MEOX2: variants seen among roughly 807,000 people sequenced by gnomAD.
MEOX2 encodes homeobox protein MOX-2.
In MEOX2, 11 loss-of-function variants were observed where a neutral mutation model predicts 27.0. The ratio of observed to expected loss-of-function variants is 0.41; its 90% CI spans 0.26 to 0.68. MEOX2 has a LOEUF of 0.68. Ranked by LOEUF, MEOX2 falls within the 30% of genes least tolerant of loss-of-function variation. MEOX2 has a pLI of 0.33. For synonymous variants in MEOX2, 189 were observed against 155.4 expected (o/e 1.22, Z -1.61); for missense variants, 436 against 385.4 (o/e 1.13, Z -1.10).
intron 1 of MEOX2, among the ~76,000 whole-genome samples, chr7:15,658,132 G>C (rs910020367): frequency 2.1e-4 from 32 of 152,370 alleles, no homozygotes; most frequent in South Asian, 6.2e-4. Context: ...TCTGAAAGTA[G>C]AGACTTTCTA....
intron 1 of MEOX2, among the ~76,000 whole-genome samples, chr7:15,655,682 A>AT (rs1781808359): frequency 6.6e-6 from 1 of 151,690 alleles, no homozygotes; most frequent in East Asian, 1.9e-4. Flanking sequence ...CTTGTTATTA[A>AT]TTTCTAGTTT....
chr7:15,674,894 C>T (rs1040006929), intron 1 of MEOX2, among the ~76,000 whole-genome samples: 14 of 152,028 alleles, frequency 9.2e-5, no homozygotes, highest in Non-Finnish European at 1.5e-5. Context: ...TCAGCATCTT[C>T]TGTGCAAAAA....
intron 1 of MEOX2, among the ~76,000 whole-genome samples, chr7:15,665,817 T>A (rs1781994957): frequency 6.6e-6 from 1 of 152,210 alleles, no homozygotes; most frequent in Admixed American, 6.5e-5. Context: ...AGCTGAATAA[T>A]CCTCAAAGGT....
intron 1 of MEOX2, among the ~76,000 whole-genome samples, chr7:15,638,879 C>T (rs985910615): frequency 6.6e-6 from 1 of 152,022 alleles, no homozygotes; most frequent in African/African-American, 2.4e-5. Flanking sequence ...ACGCGATCAA[C>T]TGTTGATGGA....
intron 1 of MEOX2, among the ~76,000 whole-genome samples, chr7:15,649,296 AT>A (rs1362432166): frequency 6.6e-6 from 1 of 152,118 alleles, no homozygotes; most frequent in Non-Finnish European, 1.5e-5. Flanking sequence ...ATGTAACTTC[AT>A]TAAGGAGCTT....
chr7:15,677,141 A>G (rs1782207837), intron 1 of MEOX2, among the ~76,000 whole-genome samples: 1 of 152,218 alleles, frequency 6.6e-6, no homozygotes, highest in South Asian at 2.1e-4. Flanking sequence ...TACTTAGGCA[A>G]GTTACATTTC....
chr7:15,658,487 G>C (rs1170046111), intron 1 of MEOX2, among the ~76,000 whole-genome samples: 1 of 152,168 alleles, frequency 6.6e-6, no homozygotes, highest in Non-Finnish European at 1.5e-5. Flanking sequence ...GTATATATTG[G>C]TGTGTTGGAT....
At chr7:15,652,531 A>C (rs1459797612) in intron 1 of MEOX2, among the ~76,000 whole-genome samples, 1 of 152,096 alleles carries the variant, frequency 6.6e-6, no homozygotes, top group Non-Finnish European at 1.5e-5. Context: ...GCCCATTATA[A>C]ATAGTAAACA....
At chr7:15,633,049 G>T (rs966910473) in intron 1 of MEOX2, among the ~76,000 whole-genome samples, 1 of 151,832 alleles carries the variant, frequency 6.6e-6, no homozygotes, top group Non-Finnish European at 1.5e-5. Context: ...TACCACTTCT[G>T]TCAGCTCCCT....
intron 2 of MEOX2, among the ~76,000 whole-genome samples, chr7:15,625,080 C>T (rs1583745527): frequency 6.6e-6 from 1 of 152,234 alleles, no homozygotes; most frequent in East Asian, 1.9e-4. Flanking sequence ...GCTGAGAGCA[C>T]AGTACTGGAT....
intron 1 of MEOX2, among the ~76,000 whole-genome samples, chr7:15,672,191 C>G (rs771515602): frequency 2.6e-5 from 4 of 152,110 alleles, no homozygotes; most frequent in Non-Finnish European, 4.4e-5. Flanking sequence ...TCGCCATTAT[C>G]CATTACTACA....
chr7:15,625,579 C>T (rs1781290786), intron 2 of MEOX2, among the ~76,000 whole-genome samples: 1 of 152,182 alleles, frequency 6.6e-6, no homozygotes, highest in Non-Finnish European at 1.5e-5. Flanking sequence ...CATTTGTCCA[C>T]ACCCTGTTGA....
intron 2 of MEOX2, among the ~76,000 whole-genome samples, chr7:15,613,193 T>C (rs1350846757): frequency 1.3e-5 from 2 of 152,206 alleles, no homozygotes; most frequent in Non-Finnish European, 2.9e-5. Flanking sequence ...TATTTTACTT[T>C]GCAAATATTT....
intron 1 of MEOX2, among the ~76,000 whole-genome samples, chr7:15,631,703 T>G (rs1017728347): frequency 6.6e-6 from 1 of 151,818 alleles, no homozygotes; most frequent in African/African-American, 2.4e-5. Context: ...AAGAAAACAT[T>G]ACAATTGCTA....
chr7:15,645,982 C>T (rs73288115), intron 1 of MEOX2, among the ~76,000 whole-genome samples: 3,115 of 152,074 alleles, frequency 0.02, 109 homozygotes, highest in African/African-American at 0.07. Flanking sequence ...AAGTAGATGC[C>T]TAATACTCAA....
intron 1 of MEOX2, among the ~76,000 whole-genome samples, chr7:15,643,450 G>C (rs986219644): frequency 6.6e-6 from 1 of 152,096 alleles, no homozygotes; most frequent in Non-Finnish European, 1.5e-5. Flanking sequence ...CCCTTCAGTG[G>C]TGTCCCTCCT....
intron 1 of MEOX2, among the ~76,000 whole-genome samples, chr7:15,683,122 G>A (rs1407143674): frequency 6.6e-6 from 1 of 151,898 alleles, no homozygotes; most frequent in Non-Finnish European, 1.5e-5. Flanking sequence ...GTTTTAAATC[G>A]TTACTATGAA....
rs780756788 is a variant in MEOX2, at chr7:15,611,587, G to T, written c.*800C>A. ...GGAGCTAGGTAAGTTTTATAATAAC[G>T]TATTAGCAGCAGTTGATAGTAAATG... On this transcript the variant is annotated 3_prime_UTR_variant, in exon 3 of 3. Transcript: ENST00000262041. The T allele has an allele frequency of 1.3e-5, 2 of 152,538 alleles. No individual in the cohort carries two copies. Among genetic ancestry groups the T allele is most frequent in the Non-Finnish European group, 2.9e-5 (2 of 68,020 alleles). 9.4% of individuals were successfully genotyped at this position (152,538 alleles called of 1,614,324 possible).
chr7:15,646,259 C>T (rs1781647957), intron 1 of MEOX2, among the ~76,000 whole-genome samples: 1 of 152,024 alleles, frequency 6.6e-6, no homozygotes, highest in African/African-American at 2.4e-5. Context: ...TAAACTCCCC[C>T]ATAAATAAAC....
Sources: gnomAD v4.1 joint callset for allele counts (sites outside exome capture counted in the v4.1 genomes callset) on GRCh38, gnomAD v4.1.1 for gene constraint, MANE v1.5 for transcripts, NCBI Gene and HGNC (gene_info 2026-07-23, HGNC 2026-07-21) for gene names.